Variants in PLD1 observed in about 807,000 individuals in gnomAD.
The protein encoded by PLD1 is phospholipase D1.
A neutral mutation model predicts 137.1 loss-of-function variants in PLD1; 112 were observed. That is an observed-to-expected ratio of 0.82 (90% CI 0.70 to 0.96). The LOEUF is 0.96. PLD1 is among the 40% of genes least tolerant of loss of function. The pLI, the probability that PLD1 is intolerant of heterozygous loss-of-function variation, is 0.00. For missense variants in PLD1, 1,321 were observed against 1,342.0 expected (o/e 0.98, Z 0.24); for synonymous variants, 431 against 454.7 (o/e 0.95, Z 0.66).
chr3:171,671,846 C>T (rs1459970870), intron 19 of PLD1, among the ~76,000 whole-genome samples: 7 of 151,932 alleles, frequency 4.6e-5, no homozygotes, highest in Admixed American at 3.9e-4. Context: ...GTTTGGAAAA[C>T]TCTCTCCTCC....
rs183625847 is a variant in PLD1 at position 171,747,846 on chromosome 3, A to G, written c.-31-9764T>C. On this transcript the variant is annotated intron_variant, in intron 1 of 26. Transcript: ENST00000351298. Reference sequence around the variant, plus strand: ...AAGTGACTGTAAGGGTCACCCAACAATCTGATCTAATTTGCTATTATTTCT... The same window carrying G: ...AAGTGACTGTAAGGGTCACCCAACAGTCTGATCTAATTTGCTATTATTTCT... Among the ~76,000 whole-genome samples the G allele has an allele frequency of 1.4e-3, 217 of 152,232 alleles. 8 individuals carry two copies. The highest frequency in any genetic ancestry group is 0.014 in the Middle Eastern group (4 of 294).
chr3:171,666,574 C>A (rs988439192), intron 19 of PLD1, among the ~76,000 whole-genome samples: 2 of 152,196 alleles, frequency 1.3e-5, no homozygotes, highest in African/African-American at 4.8e-5. Flanking sequence ...TATTTTTTCA[C>A]CTTTTTCCAT....
At chr3:171,621,845 G>T (rs1733664715) in intron 23 of PLD1, among the ~76,000 whole-genome samples, 1 of 151,928 alleles carries the variant, frequency 6.6e-6, no homozygotes, top group African/African-American at 2.4e-5. Context: ...CCTTTTTTAA[G>T]CCCCTCAGAC....
chr3:171,614,252 T>A (rs1202458002), intron 24 of PLD1, among the ~76,000 whole-genome samples: 1 of 152,226 alleles, frequency 6.6e-6, no homozygotes, highest in East Asian at 1.9e-4. Context: ...TGGGAACCTT[T>A]GAAACACTTT....
At chr3:171,631,423 T>A (rs1000549111) in intron 23 of PLD1, among the ~76,000 whole-genome samples, 2 of 150,882 alleles carry the variant, frequency 1.3e-5, no homozygotes, top group African/African-American at 4.9e-5. Flanking sequence ...GAATTGGAGA[T>A]ATCCACATGA....
At chr3:171,716,559 A>G (rs894049841) in intron 8 of PLD1, among the ~76,000 whole-genome samples, 2 of 152,106 alleles carry the variant, frequency 1.3e-5, no homozygotes, top group African/African-American at 2.4e-5. Flanking sequence ...GTGTCTGTTC[A>G]TGTCCTTTGC....
At chr3:171,624,484 T>C (rs534827793) in intron 23 of PLD1, among the ~76,000 whole-genome samples, 1 of 152,230 alleles carries the variant, frequency 6.6e-6, no homozygotes, top group South Asian at 2.1e-4. Context: ...AAGCTACCTA[T>C]GTGTTTACCT....
intron 23 of PLD1, among the ~76,000 whole-genome samples, chr3:171,621,756 C>A (rs973824110): frequency 2.6e-5 from 4 of 152,052 alleles, no homozygotes; most frequent in Admixed American, 6.5e-5. Context: ...CAATTTATTC[C>A]CCCATTTGTT....
chr3:171,683,546 T>G (rs953997222), intron 16 of PLD1, among the ~76,000 whole-genome samples: 1 of 152,218 alleles, frequency 6.6e-6, no homozygotes, highest in African/African-American at 2.4e-5. Context: ...TCTCAGTTTC[T>G]TATCCTCATT....
chr3:171,796,703 C>G (rs1723452503), intron 1 of PLD1, among the ~76,000 whole-genome samples: 1 of 152,120 alleles, frequency 6.6e-6, no homozygotes, highest in Non-Finnish European at 1.5e-5. Context: ...CAGCCATTAC[C>G]AACACTCTTC....
intron 1 of PLD1, among the ~76,000 whole-genome samples, chr3:171,783,894 G>A (rs1280691571): frequency 6.6e-6 from 1 of 152,092 alleles, no homozygotes; most frequent in African/African-American, 2.4e-5. Flanking sequence ...TGATCTGCCT[G>A]CCTTAGGCTA....
intron 19 of PLD1, among the ~76,000 whole-genome samples, chr3:171,667,608 T>A (rs962869889): frequency 4.6e-5 from 7 of 152,250 alleles, no homozygotes; most frequent in Admixed American, 4.6e-4. Context: ...CAACAGAAGG[T>A]GATACCCAAA....
rs58878929 is a variant in PLD1, at chr3:171,788,250, C to CTTTT, written c.-32+22145_-32+22148dup. 3.5e-3 allele frequency among the ~76,000 whole-genome samples: 391 copies of CTTTT among 110,538 alleles called. 1 individual carries two copies. The highest frequency in any genetic ancestry group is 9.2e-3 in the East Asian group (32 of 3,464). The allele number at this position is 110,538 out of a possible 152,430, so 72.5% of individuals were successfully genotyped here. ...TGTGTTTGTGAGTGCATCTGCACTT[C>CTTTT]TTTTTTTTTTTTTTTTTTTTTGTAA... On this transcript the variant is annotated intron_variant, in intron 1 of 26. Coordinates refer to ENST00000351298, the MANE Select transcript of PLD1 (RefSeq NM_002662.5).
Position 171,640,128 on chromosome 3 carries a change from T to G in PLD1, c.2593+2712A>C, listed in dbSNP as rs1315813319. On this transcript the variant is annotated intron_variant, in intron 23 of 26. Transcript: ENST00000351298. Reference sequence around the variant, plus strand: ...TCAAAAAGCTAACTTTTGGTTTCACTAATTTTCTCTATTTTTTTCTATTAT... The same window carrying G: ...TCAAAAAGCTAACTTTTGGTTTCACGAATTTTCTCTATTTTTTTCTATTAT... Among the ~76,000 whole-genome samples the G allele has an allele frequency of 3.9e-5, 6 of 152,002 alleles. No homozygotes were observed. In the East Asian group the frequency reaches 1.2e-3, roughly 29 times the overall value.
At chr3:171,793,142 G>T (rs1487433493) in intron 1 of PLD1, 1 of 155,992 alleles carries the variant, frequency 6.4e-6, no homozygotes, top group Non-Finnish European at 1.4e-5. Flanking sequence ...GATCCCTACT[G>T]TAGCTCCCCT....
rs1468176021 is a variant in PLD1, at chr3:171,601,440, T to C, written c.*1638A>G. The C allele has an allele frequency of 3.9e-5, 6 of 152,142 alleles. No homozygotes were observed. Among genetic ancestry groups the C allele is most frequent in the African/African-American group, 1.2e-4 (5 of 41,400 alleles). The allele number at this position is 152,142 out of a possible 1,614,324, so 9.4% of individuals were successfully genotyped here. ...AGCAAATTCTTATTTACAATGGCTA[T>C]AGAATGAAGTCATTTTACCATCTTT... On this transcript the variant is annotated 3_prime_UTR_variant, in exon 27 of 27. Coordinates refer to ENST00000351298, the MANE Select transcript of PLD1 (RefSeq NM_002662.5).
At chr3:171,726,501 TGTGAA>T (rs1718521385) in intron 6 of PLD1, among the ~76,000 whole-genome samples, 1 of 151,968 alleles carries the variant, frequency 6.6e-6, no homozygotes, top group Non-Finnish European at 1.5e-5. Context: ...GGGCCCACAG[TGTGAA>T]ATGGGAGATG....
chr3:171,679,565 T>G (rs1287448873), intron 16 of PLD1, among the ~76,000 whole-genome samples: 3 of 152,236 alleles, frequency 2.0e-5, no homozygotes, highest in Admixed American at 2.0e-4. Context: ...TACAATTTGC[T>G]TTCATCAACT....
intron 21 of PLD1, among the ~76,000 whole-genome samples, chr3:171,650,529 C>A (rs751148809): frequency 1.3e-5 from 2 of 151,930 alleles, no homozygotes; most frequent in Non-Finnish European, 2.9e-5. Context: ...AGATCAAGGA[C>A]GGGATGTGGA....
Sources: allele counts gnomAD v4.1 joint callset (sites outside exome capture counted in the v4.1 genomes callset), GRCh38; gene constraint gnomAD v4.1.1; transcripts MANE v1.5; gene names NCBI Gene and HGNC (gene_info 2026-07-23, HGNC 2026-07-21).